ZNF638: variants seen among roughly 807,000 people sequenced by gnomAD.
ZNF638 encodes CTCL tumor antigen se33-1.
A neutral mutation model predicts 195.6 loss-of-function variants in ZNF638; 46 were observed. The observed-to-expected ratio is 0.24, with a 90% CI of 0.19 to 0.30. ZNF638 has a LOEUF of 0.30. ZNF638 is among the 10% of genes least tolerant of loss of function. The pLI, the probability that ZNF638 is intolerant of heterozygous loss-of-function variation, is 1.00. For missense variants in ZNF638, 2,440 were observed against 2,325.3 expected, an observed-to-expected ratio of 1.05 and a Z score of -1.01; for synonymous variants, 845 against 772.0, an observed-to-expected ratio of 1.09 and a Z score of -1.57.
chr2:71,387,390 G>C (rs950261497), intron 10 of ZNF638, among the ~76,000 whole-genome samples: 1 of 152,028 alleles, frequency 6.6e-6, no homozygotes, highest in Non-Finnish European at 1.5e-5. Context: ...AAAGCACTTT[G>C]CTTGGTGCGG....
intron 20 of ZNF638, among the ~76,000 whole-genome samples, chr2:71,409,740 G>T (rs1448993974): frequency 6.6e-6 from 1 of 152,122 alleles, no homozygotes; most frequent in African/African-American, 2.4e-5. Context: ...TTGTTGAATG[G>T]AGTCTCCTTT....
chr2:71,401,925 T>C (rs1209494744), intron 15 of ZNF638, 31 bp from the exon 16 acceptor site: 1 of 1,534,474 alleles, frequency 6.5e-7, no homozygotes, highest in Non-Finnish European at 8.8e-7. Context: ...AAAGAAATTT[T>C]AATAACAGGT....
rs199700727 is a variant in ZNF638, at chr2:71,398,736, G to T, written c.2464G>T (p.Val822Leu). 94 of 1,613,284 alleles carry T rather than the reference G, an allele frequency of 5.8e-5. No individual in the cohort carries two copies. The highest frequency in any genetic ancestry group is 7.7e-5 in the Non-Finnish European group (91 of 1,179,540). The change falls in exon 12 of 28, where the codon GTA (valine) becomes TTA (leucine). Residue 822 changes from valine to leucine, a missense_variant. Coordinates refer to ENST00000264447, the MANE Select transcript of ZNF638 (RefSeq NM_014497.5). ...SASSVKSVVT[V>L]AVKGNKASIK... ...AAGTTCTGTAAAATCTGTGGTAACG[G>T]TAGCTGTTAAAGGTAATAAAGCTTC...
intron 3 of ZNF638, among the ~76,000 whole-genome samples, chr2:71,360,464 T>A (rs999871081): frequency 6.7e-6 from 1 of 149,700 alleles, no homozygotes; most frequent in Non-Finnish European, 1.5e-5. Context: ...CTTTTATAAT[T>A]CTTCTTGTTT....
intron 1 of ZNF638, among the ~76,000 whole-genome samples, chr2:71,332,109 G>C (rs970328351): frequency 1.3e-5 from 2 of 152,218 alleles, no homozygotes; most frequent in South Asian, 4.1e-4. Context: ...TTCGCTACCC[G>C]GGAGGGCCCG....
At chr2:71,333,656 A>G (rs2078612775) in intron 1 of ZNF638, among the ~76,000 whole-genome samples, 1 of 152,216 alleles carries the variant, frequency 6.6e-6, no homozygotes, top group Non-Finnish European at 1.5e-5. Context: ...AGTTTAGTGG[A>G]AAGAGAATAG....
chr2:71,396,819 C>T (rs529419820), intron 11 of ZNF638, among the ~76,000 whole-genome samples: 3 of 152,096 alleles, frequency 2.0e-5, no homozygotes, highest in Non-Finnish European at 2.9e-5. Flanking sequence ...CAGTGATGCA[C>T]GCCTGTAATC....
At chr2:71,406,883 C>T (rs980202068) in intron 19 of ZNF638, among the ~76,000 whole-genome samples, 10 of 152,024 alleles carry the variant, frequency 6.6e-5, no homozygotes, top group African/African-American at 2.4e-4. Flanking sequence ...GCCTCTGGTC[C>T]CAGCTGCCTG....
chr2:71,418,571 A>G (rs755408492), intron 20 of ZNF638, 31 bp from the exon 21 acceptor site: 17 of 1,462,220 alleles, frequency 1.2e-5, no homozygotes, highest in Non-Finnish European at 1.5e-5. Context: ...CCAGTGGAAT[A>G]GCCTCTAATA....
chr2:71,332,240 C>T lies in ZNF638; in HGVS notation c.-203+365C>T, dbSNP rs559044827. 2.3e-3 allele frequency among the ~76,000 whole-genome samples: 347 copies of T among 152,366 alleles called. 2 individuals carry two copies. The highest frequency in any genetic ancestry group is 6.8e-3 in the South Asian group (33 of 4,830). The stretch of plus-strand genomic sequence containing the variant: ...CGGCCCCTTCCCCAGCAGCGCCCGG[C>T]CTGCCGAGGCTGCGCTGGGCCTGAC... On this transcript the variant is annotated intron_variant, in intron 1 of 27. Transcript: ENST00000264447.
chr2:71,405,946 G>A (rs1299334507), intron 18 of ZNF638, among the ~76,000 whole-genome samples, 182 bp from the exon 19 acceptor site: 1 of 152,070 alleles, frequency 6.6e-6, no homozygotes, highest in Admixed American at 6.6e-5. Flanking sequence ...ATTTTAGTAC[G>A]TCATTTTACT....
At position 71,349,136 on chromosome 2, in the gene ZNF638, A is replaced by T. The variant is rs761390533; in HGVS notation, c.182A>T (p.Tyr61Phe). 1 of 1,614,230 alleles carries T rather than the reference A, an allele frequency of 6.2e-7. No individual in the cohort carries two copies. The highest frequency in any genetic ancestry group is 1.1e-5 in the South Asian group (1 of 91,088). Reference sequence around the variant, plus strand: ...CACAGATTTGCTGGCCATGAATCTTATCAGAACATGGGGCCACAGAGAATG... The same window carrying T: ...CACAGATTTGCTGGCCATGAATCTTTTCAGAACATGGGGCCACAGAGAATG... Reference protein sequence around the residue: ...IPHRFAGHESYQNMGPQRMNV... With the variant: ...IPHRFAGHESFQNMGPQRMNV... Residue 61 changes from tyrosine to phenylalanine, a missense_variant, in exon 2 of 28, where the codon TAT (tyrosine) becomes TTT (phenylalanine). By Grantham distance (22) the Tyr-to-Phe change is conservative (BLOSUM62 3). Around this residue, in one of 5 missense-constraint regions of ZNF638, gnomAD observed 191 missense variants for 173.8 expected, o/e 1.10. Transcript: ENST00000264447.
chr2:71,400,292 T>C (rs2079980638), intron 14 of ZNF638, 112 bp downstream of exon 14: 1 of 1,068,774 alleles, frequency 9.4e-7, no homozygotes, highest in Non-Finnish European at 1.3e-6. Flanking sequence ...ATCTGAAATT[T>C]TGATCTCAGA....
chr2:71,377,397 G>A (rs973562871), intron 8 of ZNF638, among the ~76,000 whole-genome samples: 26 of 152,110 alleles, frequency 1.7e-4, no homozygotes, highest in African/African-American at 6.3e-4. Context: ...AGATTCATGG[G>A]GACATTACAA....
Position 71,434,806 on chromosome 2 carries a change from G to A in ZNF638, c.5936G>A (p.Ter1979=). ...GAGGCTGAAGAAAGAAGCTCTAGGT[G>A]ATTGGGGGAAAGGAAAGAATTCACT... ...QNEAEERSSR[*] is the part of the protein sequence containing the mutation. The change falls in exon 28 of 28, where the codon TGA becomes TAA. Residue 1979 remains the stop codon, a stop_retained_variant. Transcript: ENST00000264447. 2 of 1,601,076 alleles carry A rather than the reference G, an allele frequency of 1.2e-6. No individual in the cohort carries two copies. The highest frequency in any genetic ancestry group is 1.7e-6 in the Non-Finnish European group (2 of 1,175,732).
Position 71,365,821 on chromosome 2 carries a change from G to A in ZNF638, c.1995+115G>A, listed in dbSNP as rs1383291215. 4.9e-6 allele frequency: 5 copies of A among 1,025,470 alleles called. No individual in the cohort carries two copies. In the Admixed American group the frequency reaches 8.4e-5, roughly 17 times the overall value. The allele number at this position is 1,025,470 out of a possible 1,614,324, so 63.5% of individuals were successfully genotyped here. A position where few individuals can be genotyped will look rare whatever the true frequency, so the allele number is the denominator to read the frequency against. The stretch of plus-strand genomic sequence containing the variant: ...TGCAGCCTCGATCTCCTGGGCTCAA[G>A]TGATCCTCCTGCCTCATCTTCCCAA... On this transcript the variant is annotated intron_variant, in intron 6 of 27. Coordinates refer to ENST00000264447, the MANE Select transcript of ZNF638 (RefSeq NM_014497.5).
At chr2:71,407,864 TA>T in intron 19 of ZNF638, 1 of 286,270 alleles carries the variant, frequency 3.5e-6, no homozygotes, top group Non-Finnish European at 6.5e-6. Flanking sequence ...TCTTCATTTT[TA>T]AAGCTGAGTA....
intron 2 of ZNF638, among the ~76,000 whole-genome samples, chr2:71,350,987 T>C (rs576924293): frequency 6.6e-6 from 1 of 152,328 alleles, no homozygotes; most frequent in African/African-American, 2.4e-5. Flanking sequence ...TACTATAATG[T>C]AGAACATACT....
intron 8 of ZNF638, among the ~76,000 whole-genome samples, chr2:71,376,790 T>C (rs1170005315): frequency 6.6e-6 from 1 of 152,334 alleles, no homozygotes; most frequent in African/African-American, 2.4e-5. Context: ...ACTTAGTCTT[T>C]AATAATAACC....
Sources: gnomAD v4.1 joint callset for allele counts (sites outside exome capture counted in the v4.1 genomes callset) on GRCh38, gnomAD v4.1.1 for gene constraint, gnomAD v4.1.1 regional missense constraint, MANE v1.5 for transcripts, NCBI Gene and HGNC (gene_info 2026-07-23, HGNC 2026-07-21) for gene names.